The following SPTLC2 variants were observed in gnomAD, a reference collection of about 807,000 sequenced individuals.
SPTLC2 encodes serine palmitoyltransferase long chain base subunit 2.
A neutral mutation model predicts 62.0 loss-of-function variants in SPTLC2; 21 were observed. The ratio of observed to expected loss-of-function variants is 0.34; its 90% CI spans 0.24 to 0.49. The LOEUF is 0.49. Ranked by LOEUF, SPTLC2 falls within the 20% of genes least tolerant of loss-of-function variation. The pLI is 0.99. For missense variants in SPTLC2, 511 were observed against 713.0 expected, an observed-to-expected ratio of 0.72 and a Z score of 3.23; for synonymous variants, 261 against 261.8, an observed-to-expected ratio of 1.00 and a Z score of 0.03.
intron 2 of SPTLC2, among the ~76,000 whole-genome samples, chr14:77,595,590 C>A (rs1168439868): frequency 1.3e-5 from 2 of 152,072 alleles, no homozygotes; most frequent in Non-Finnish European, 2.9e-5. Context: ...GAAAGGATGC[C>A]TAATCTTGAG....
intron 3 of SPTLC2, 89 bp downstream of exon 3, chr14:77,578,864 TGA>T: frequency 7.0e-7 from 1 of 1,428,462 alleles, no homozygotes; most frequent in Non-Finnish European, 9.8e-7. Context: ...ACTCCTATTT[TGA>T]GAGAATACTC....
intron 1 of SPTLC2, among the ~76,000 whole-genome samples, chr14:77,608,780 G>A (rs1180077662): frequency 3.9e-5 from 6 of 152,118 alleles, no homozygotes; most frequent in African/African-American, 9.6e-5. Context: ...GACCCCAGGC[G>A]TGGTAGGTCA....
rs73303262 is a variant in SPTLC2 at position 77,561,128 on chromosome 14, T to C, written c.850+1268A>G. ...TTCTGAGACTGCTAGAAATTTATCCTAAGGCACTAACCAGATGATGGTACA... is the reference window on the plus strand; with the variant it reads ...TTCTGAGACTGCTAGAAATTTATCCCAAGGCACTAACCAGATGATGGTACA... On this transcript the variant is annotated intron_variant, in intron 6 of 11. Coordinates refer to ENST00000216484, the MANE Select transcript of SPTLC2 (RefSeq NM_004863.4). Among the ~76,000 whole-genome samples, 284 of 152,298 alleles carry C rather than the reference T, an allele frequency of 1.9e-3. 2 individuals carry two copies. Among genetic ancestry groups the C allele is most frequent in the African/African-American group, 6.5e-3 (270 of 41,566 alleles).
intron 1 of SPTLC2, among the ~76,000 whole-genome samples, chr14:77,607,032 A>G (rs1464816234): frequency 6.6e-6 from 1 of 152,150 alleles, no homozygotes; most frequent in Admixed American, 6.6e-5. Flanking sequence ...AACAAATAAG[A>G]GGTAAGAGGT....
intron 9 of SPTLC2, among the ~76,000 whole-genome samples, chr14:77,534,933 CTT>C (rs111539292): frequency 6.7e-6 from 1 of 148,402 alleles, no homozygotes; most frequent in Non-Finnish European, 1.5e-5. Context: ...AGTGCTATTT[CTT>C]TTTTTTTTTG....
intron 2 of SPTLC2, among the ~76,000 whole-genome samples, chr14:77,593,440 C>T (rs925715116): frequency 3.3e-5 from 5 of 152,118 alleles, no homozygotes; most frequent in Non-Finnish European, 7.4e-5. Context: ...GTATCTGTCA[C>T]GTACGTGTTT....
At chr14:77,601,164 C>T (rs2079875199) in intron 1 of SPTLC2, among the ~76,000 whole-genome samples, 2 of 152,146 alleles carry the variant, frequency 1.3e-5, no homozygotes, top group African/African-American at 4.8e-5. Flanking sequence ...TGAGCCCAAG[C>T]TAAGCCATCA....
At chr14:77,580,984 G>A (rs146876098) in intron 2 of SPTLC2, among the ~76,000 whole-genome samples, 55 of 152,324 alleles carry the variant, frequency 3.6e-4, no homozygotes, top group African/African-American at 1.1e-3. Flanking sequence ...AAGTCACAGC[G>A]GAGCAGAAAT....
chr14:77,582,572 A>G (rs1052081227), intron 2 of SPTLC2, among the ~76,000 whole-genome samples: 1 of 152,184 alleles, frequency 6.6e-6, no homozygotes, highest in South Asian at 2.1e-4. Flanking sequence ...GGCCAGAATG[A>G]AGTAGAGCTT....
chr14:77,549,966 G>T (rs910284319), intron 9 of SPTLC2, among the ~76,000 whole-genome samples: 1 of 152,146 alleles, frequency 6.6e-6, no homozygotes, highest in Non-Finnish European at 1.5e-5. Flanking sequence ...AATCAGTAAG[G>T]TAAGTGTGCC....
chr14:77,589,294 T>C (rs2079801791), intron 2 of SPTLC2, among the ~76,000 whole-genome samples: 1 of 152,100 alleles, frequency 6.6e-6, no homozygotes, highest in African/African-American at 2.4e-5. Context: ...GCTGTTTCTA[T>C]GCTGTCCATG....
chr14:77,534,833 T>G (rs2140003935), intron 9 of SPTLC2, among the ~76,000 whole-genome samples: 1 of 152,264 alleles, frequency 6.6e-6, no homozygotes, highest in East Asian at 1.9e-4. Context: ...CTCCTGCCTT[T>G]ATGCAGCTTA....
chr14:77,574,879 T>C (rs2079705576), intron 4 of SPTLC2, among the ~76,000 whole-genome samples: 2 of 152,180 alleles, frequency 1.3e-5, no homozygotes, highest in South Asian at 4.1e-4. Context: ...CTACTGAGTA[T>C]AGCATTTCTT....
intron 1 of SPTLC2, among the ~76,000 whole-genome samples, chr14:77,610,482 C>T (rs965363911): frequency 3.9e-5 from 6 of 151,946 alleles, no homozygotes; most frequent in African/African-American, 1.5e-4. Flanking sequence ...GATGGGGTCT[C>T]GCCACGTTGC....
chr14:77,581,022 C>G (rs1042675636), intron 2 of SPTLC2, among the ~76,000 whole-genome samples: 1 of 152,190 alleles, frequency 6.6e-6, no homozygotes, highest in Non-Finnish European at 1.5e-5. Context: ...ATGACCACTA[C>G]TCAGAACACA....
intron 1 of SPTLC2, among the ~76,000 whole-genome samples, chr14:77,610,423 T>C (rs2079928943): frequency 2.0e-5 from 3 of 152,160 alleles, no homozygotes; most frequent in African/African-American, 7.2e-5. Flanking sequence ...ATTACAGGCG[T>C]GAGCCACGGT....
chr14:77,578,334 C>CT lies in SPTLC2; in HGVS notation c.482+620dup, dbSNP rs879396969. 2.8e-3 allele frequency among the ~76,000 whole-genome samples: 385 copies of CT among 136,922 alleles called. 2 individuals are homozygous for CT. The highest frequency in any genetic ancestry group is 7.0e-3 in the African/African-American group (256 of 36,794). 89.8% of individuals were successfully genotyped at this position (136,922 alleles called of 152,430 possible). A position where few individuals can be genotyped will look rare whatever the true frequency, so the allele number is the denominator to read the frequency against. On this transcript the variant is annotated intron_variant, in intron 3 of 11. Transcript: ENST00000216484. ...TGGCATAATGGAAAGGATAGCTTTT[C>CT]TTTTTTTTTTTTTTTAAAGTCAAGA...
At chr14:77,579,190 A>T in intron 2 of SPTLC2, 81 bp from the exon 3 acceptor site, 2 of 1,390,124 alleles carry the variant, frequency 1.4e-6, no homozygotes, top group Non-Finnish European at 2.0e-6. Flanking sequence ...ATGATCTTTT[A>T]TTTATGTAAA....
chr14:77,518,081 C>G lies in SPTLC2; in HGVS notation c.1526G>C (p.Arg509Thr). The change falls in exon 11 of 12, where the codon AGG becomes ACG. Residue 509 changes from arginine to threonine, a missense_variant. By Grantham distance (71) the Arg-to-Thr change is moderately conservative. Coordinates refer to ENST00000216484, the MANE Select transcript of SPTLC2 (RefSeq NM_004863.4). ...PATPIIESRA[R>T]FCLSAAHTKE... ...GGTATGAGCTGCTGACAGGCAAAAC[C>G]TGGCTCTGGACTCAATAATTGGGGT... The G allele has an allele frequency of 6.2e-7, 1 of 1,614,124 alleles. No individual in the cohort carries two copies. Among genetic ancestry groups the G allele is most frequent in the Non-Finnish European group, 8.5e-7 (1 of 1,180,030 alleles).
Sources: gnomAD v4.1 joint callset for allele counts (sites outside exome capture counted in the v4.1 genomes callset) on GRCh38, gnomAD v4.1.1 for gene constraint, MANE v1.5 for transcripts, NCBI Gene and HGNC (gene_info 2026-07-23, HGNC 2026-07-21) for gene names.